GOLGA8J: variants seen among roughly 807,000 people sequenced by gnomAD.
GOLGA8J encodes the protein golgin A8 family member J.
In GOLGA8J, 19 loss-of-function variants were observed where a neutral mutation model predicts 67.7. The ratio of observed to expected loss-of-function variants is 0.28; its 90% confidence interval spans 0.20 to 0.41. The LOEUF (loss-of-function observed/expected upper bound fraction) is 0.41, where lower values mean the gene tolerates loss of function less well. Among genes scored for constraint, GOLGA8J ranks in the 10% least tolerant of loss-of-function variants. The pLI, the probability that GOLGA8J is intolerant of heterozygous loss-of-function variation, is 1.00. For synonymous variants in GOLGA8J, 69 were observed against 215.9 expected, an observed-to-expected ratio of 0.32 and a Z score of 5.97; for missense variants, 205 against 584.3, an observed-to-expected ratio of 0.35 and a Z score of 6.69.
rs2057445104 is a variant in GOLGA8J at position 30,094,147 on chromosome 15, T to G, written c.*648T>G. 6.9e-6 allele frequency among the ~76,000 whole-genome samples: 1 copy of G among 145,652 alleles called. No homozygotes were observed. The highest frequency in any genetic ancestry group is 6.7e-5 in the Admixed American group (1 of 14,844). The stretch of plus-strand genomic sequence containing the variant: ...TTTTAAATCTCACAGAAGAGGAAAG[T>G]GGCCTCCTCTGGCAGGTACGTGCAG... On this transcript the variant is annotated 3_prime_UTR_variant, in exon 19 of 19. Coordinates refer to ENST00000567927, the MANE Select transcript of GOLGA8J (RefSeq NM_001282472.2).
Position 30,084,821 on chromosome 15 carries a change from C to G in GOLGA8J, c.99C>G (p.Asn33Lys), listed in dbSNP as rs2057332840. The G allele has an allele frequency of 1.9e-5, 25 of 1,327,774 alleles. No homozygotes were observed. Among genetic ancestry groups the G allele is most frequent in the Non-Finnish European group, 2.4e-5 (25 of 1,020,736 alleles). The allele number at this position is 1,327,774 out of a possible 1,614,324, so 82.2% of individuals were successfully genotyped here. Residue 33 changes from asparagine (N) to lysine (K), a missense_variant, in exon 2 of 19, where the codon AAC (asparagine) becomes AAG (lysine). Coordinates refer to ENST00000567927, the MANE Select transcript of GOLGA8J (RefSeq NM_001282472.2). ...KNSPRVPAGA[N>K]RNRKTNGSIP... is the part of the protein sequence containing the mutation. ...GCCCTAGAGTTCCAGCAGGAGCGAA[C>G]AGGAACAGGAAAACAAATGGCAGTA...
Position 30,091,992 on chromosome 15 carries a change from G to A in GOLGA8J, c.1277-50G>A, listed in dbSNP as rs751224447. ...GGGTGGAGGTAGAGGTGGGCCCACA[G>A]TACCTCCCTTGTTGGGTTGTCTGAA... On this transcript the variant is annotated intron_variant, in intron 14 of 18. Coordinates refer to ENST00000567927, the MANE Select transcript of GOLGA8J (RefSeq NM_001282472.2). 28 of 1,590,640 alleles carry A rather than the reference G, an allele frequency of 1.8e-5. 1 individual carries two copies. The highest frequency in any genetic ancestry group is 2.3e-5 in the East Asian group (1 of 43,688).
rs1182299069 is a variant in GOLGA8J at position 30,089,896 on chromosome 15, T to G, written c.1071T>G (p.Ile357Met). 6.6e-7 allele frequency: 1 copy of G among 1,521,610 alleles called. No individual in the cohort carries two copies. Among genetic ancestry groups the G allele is most frequent in the Non-Finnish European group, 8.8e-7 (1 of 1,142,342 alleles). 94.3% of individuals were successfully genotyped at this position (1,521,610 alleles called of 1,614,324 possible). The change falls in exon 12 of 19, where the codon ATT becomes ATG. Residue 357 changes from isoleucine (I) to methionine (M), a missense_variant. By Grantham distance (10) the Ile-to-Met change is conservative (BLOSUM62 1). Coordinates refer to ENST00000567927, the MANE Select transcript of GOLGA8J (RefSeq NM_001282472.2). ...EERLRKQEER[I>M]QEQHKSLQQL... Reference sequence around the variant, plus strand: ...GGCTTCGGAAGCAGGAGGAGAGGATTCAGGAGCAGCACAAGAGCCTTCAGC... The same window carrying G: ...GGCTTCGGAAGCAGGAGGAGAGGATGCAGGAGCAGCACAAGAGCCTTCAGC...
At chr15:30,090,817 A>G (rs2057393585) in intron 13 of GOLGA8J, among the ~76,000 whole-genome samples, 3 of 127,902 alleles carry the variant, frequency 2.3e-5, no homozygotes, top group African/African-American at 1.0e-4. Flanking sequence ...AGATTGCACC[A>G]CTGCACTCCA....
In GOLGA8J at chr15:30,094,066, C is replaced by G. The variant is rs1436729123; in HGVS notation, c.*567C>G. Among the ~76,000 whole-genome samples the G allele has an allele frequency of 6.8e-6, 1 of 147,146 alleles. No individual in the cohort carries two copies. Among genetic ancestry groups the G allele is most frequent in the Non-Finnish European group, 1.5e-5 (1 of 67,560 alleles). On this transcript the variant is annotated 3_prime_UTR_variant, in exon 19 of 19. Transcript: ENST00000567927. ...TTTAAAGGCCAAGAACTGGAAACAG[C>G]CTTTCCTCCATTTTCTGTGTGTTGG...
Position 30,092,930 on chromosome 15 carries a change from C to T in GOLGA8J, c.1509C>T (p.Ala503=), listed in dbSNP as rs1221952430. The T allele has an allele frequency of 1.3e-5, 20 of 1,487,604 alleles. 1 individual carries two copies. Among genetic ancestry groups the T allele is most frequent in the Non-Finnish European group, 1.8e-5 (20 of 1,112,952 alleles). 92.2% of individuals were successfully genotyped at this position (1,487,604 alleles called of 1,614,324 possible). The part of the protein sequence containing the change: ...HHLLSEPGGR[A]KDAALGGGHH... ...TTTTATCAGAACCAGGGGGCCGTGCCAAAGATGCGGCACTGGGAGGAGGAC... is the reference window on the plus strand; with the variant it reads ...TTTTATCAGAACCAGGGGGCCGTGCTAAAGATGCGGCACTGGGAGGAGGAC... The change falls in exon 17 of 19, where the codon GCC becomes GCT. Residue 503 remains alanine (A), a synonymous_variant. Transcript: ENST00000567927.
intron 8 of GOLGA8J, 77 bp from the exon 9 acceptor site, chr15:30,088,663 C>T: frequency 8.1e-7 from 1 of 1,239,340 alleles, no homozygotes. Context: ...TTGGGCCTAG[C>T]CCTAGCCCTT....
In GOLGA8J at chr15:30,088,945, T is replaced by C. The variant is rs753991693; in HGVS notation, c.691T>C (p.Phe231Leu). 9 of 1,518,184 alleles carry C rather than the reference T, an allele frequency of 5.9e-6. 1 individual carries two copies. The South Asian group carries it at 8.2e-5, about 14-fold the overall frequency. The allele number at this position is 1,518,184 out of a possible 1,614,324, so 94.0% of individuals were successfully genotyped here. Residue 231 changes from phenylalanine to leucine, a missense_variant, in exon 10 of 19, where the codon TTT becomes CTT. Physicochemically the swap from Phe to Leu is conservative, Grantham distance 22. Transcript: ENST00000567927. ...KVQLTQFKES[F>L]QQVQLERDEY... Reference sequence around the variant, plus strand: ...CCCATTCTTGCAGTTCAAGGAGTCATTTCAACAAGTCCAATTAGAAAGAGA... The same window carrying C: ...CCCATTCTTGCAGTTCAAGGAGTCACTTCAACAAGTCCAATTAGAAAGAGA...
chr15:30,090,425 T>A, intron 13 of GOLGA8J, 145 bp downstream of exon 13: 1 of 1,515,938 alleles, frequency 6.6e-7, no homozygotes, highest in South Asian at 1.2e-5. Context: ...CCTGTGACTG[T>A]TTCTTGCTTC....
At chr15:30,090,764 C>T (rs1391816045) in intron 13 of GOLGA8J, among the ~76,000 whole-genome samples, 15 of 122,728 alleles carry the variant, frequency 1.2e-4, no homozygotes, top group Admixed American at 1.5e-4. Flanking sequence ...GGCTGAGGCA[C>T]GAGAATTGCT....
intron 13 of GOLGA8J, 96 bp from the exon 14 acceptor site, chr15:30,091,439 T>G (rs1012198304): frequency 6.1e-6 from 8 of 1,310,848 alleles, no homozygotes; most frequent in Non-Finnish European, 8.2e-6. Flanking sequence ...TGCCAAAAGT[T>G]GCAGGAGACC....
chr15:30,090,331 C>A, intron 13 of GOLGA8J, 51 bp downstream of exon 13: 18 of 1,152,818 alleles, frequency 1.6e-5, no homozygotes, highest in Non-Finnish European at 2.1e-5. Flanking sequence ...GGGAGGCGGG[C>A]AGCAGCCTCT....
Position 30,089,713 on chromosome 15 carries a change from C to T in GOLGA8J, c.888C>T (p.Pro296=). ...TTCCTTTGTCAGCTGAACCCTTGCC[C>T]CCGGAGCCCCCAGCAGTGCCCTCTG... The part of the protein sequence containing the change: ...KLKNQMAEPL[P]PEPPAVPSEV... The change falls in exon 12 of 19, where the codon CCC becomes CCT. Residue 296 remains proline, a synonymous_variant. Transcript: ENST00000567927. The T allele has an allele frequency of 6.5e-7, 1 of 1,534,758 alleles. No individual in the cohort carries two copies. Among genetic ancestry groups the T allele is most frequent in the Non-Finnish European group, 8.7e-7 (1 of 1,146,104 alleles).
chr15:30,093,265 G>A lies in GOLGA8J; in HGVS notation c.1723+26G>A. The A allele has an allele frequency of 1.3e-6, 2 of 1,576,542 alleles. 1 individual carries two copies. The highest frequency in any genetic ancestry group is 4.6e-5 in the East Asian group (2 of 43,126). On this transcript the variant is annotated intron_variant, in intron 18 of 18. Transcript: ENST00000567927. ...GTGAGTAGAGCCCTCAGGTGGGGTGGGCAGGCAGGAAGAGGGGGCTCCCAC... is the reference window on the plus strand; with the variant it reads ...GTGAGTAGAGCCCTCAGGTGGGGTGAGCAGGCAGGAAGAGGGGGCTCCCAC...
In GOLGA8J at chr15:30,094,389, T is replaced by C. The variant is rs1225720859; in HGVS notation, c.*890T>C. Reference sequence around the variant, plus strand: ...GGGAAACCTTTCCTAGCTTAGAGCATTTGTATCTACAATACATTTTAAAGT... The same window carrying C: ...GGGAAACCTTTCCTAGCTTAGAGCACTTGTATCTACAATACATTTTAAAGT... On this transcript the variant is annotated 3_prime_UTR_variant, in exon 19 of 19. Transcript: ENST00000567927. 2.7e-5 allele frequency among the ~76,000 whole-genome samples: 4 copies of C among 147,596 alleles called. 1 individual carries two copies. The highest frequency in any genetic ancestry group is 7.8e-5 in the African/African-American group (3 of 38,252).
intron 13 of GOLGA8J, among the ~76,000 whole-genome samples, chr15:30,090,921 A>G (rs796225317): frequency 3.2e-3 from 399 of 122,804 alleles, no homozygotes; most frequent in African/African-American, 4.8e-3. Context: ...ACTGGTCACC[A>G]TTCAAGTACT....
chr15:30,096,546 G>C lies in GOLGA8J; in HGVS notation c.*3047G>C, dbSNP rs1338235502. ...TCCAGTCCAAAGTTTTATTTGCCAA[G>C]TTTTCTTAGAATGAATTTTACCAGT... is the stretch of plus-strand genomic sequence containing the variant. On this transcript the variant is annotated 3_prime_UTR_variant, in exon 19 of 19. Transcript: ENST00000567927. 2.1e-5 allele frequency among the ~76,000 whole-genome samples: 3 copies of C among 141,686 alleles called. No individual in the cohort carries two copies. The highest frequency in any genetic ancestry group is 5.4e-5 in the African/African-American group (2 of 36,892). 93.0% of individuals were successfully genotyped at this position (141,686 alleles called of 152,430 possible).
At chr15:30,085,246 A>C (rs2057337855) in intron 2 of GOLGA8J, among the ~76,000 whole-genome samples, 1 of 87,386 alleles carries the variant, frequency 1.1e-5, no homozygotes, top group African/African-American at 1.3e-4. Context: ...ATGCCACTGC[A>C]CTCCAGCCTG....
rs2057455351 is a variant in GOLGA8J at position 30,095,119 on chromosome 15, A to G, written c.*1620A>G. Among the ~76,000 whole-genome samples, 2 of 146,858 alleles carry G rather than the reference A, an allele frequency of 1.4e-5. 1 individual carries two copies. The highest frequency in any genetic ancestry group is 1.3e-4 in the Admixed American group (2 of 14,866). ...AAATCATAACTTGATGATGCTTGGG[A>G]AAGACTCAACAGTTAAAACTTCATG... On this transcript the variant is annotated 3_prime_UTR_variant, in exon 19 of 19. Transcript: ENST00000567927.
Sources: allele counts gnomAD v4.1 joint callset (sites outside exome capture counted in the v4.1 genomes callset), GRCh38; gene constraint gnomAD v4.1.1; transcripts MANE v1.5; gene names NCBI Gene and HGNC (gene_info 2026-07-23, HGNC 2026-07-21).